Variants in SORBS2 observed in about 807,000 individuals in gnomAD.
The protein encoded by SORBS2 is sorbin and SH3 domain containing 2.
SORBS2 carries 46 observed loss-of-function variants against 97.7 expected under a neutral mutation model. That is an observed-to-expected ratio of 0.47 (90% CI 0.37 to 0.60). The LOEUF is 0.60. SORBS2 is among the 20% of genes least tolerant of loss of function. The pLI, the probability that SORBS2 is intolerant of heterozygous loss-of-function variation, is 0.00. For synonymous variants in SORBS2, 476 were observed against 473.4 expected (o/e 1.01, Z -0.07); for missense variants, 1,316 against 1,282.3 (o/e 1.03, Z -0.40).
At chr4:185,803,216 G>A (rs1411026932) in intron 1 of SORBS2, among the ~76,000 whole-genome samples, 1 of 152,074 alleles carries the variant, frequency 6.6e-6, no homozygotes, top group Non-Finnish European at 1.5e-5. Flanking sequence ...TGAGGAGCCT[G>A]GGAATGAGGC....
chr4:185,653,484 C>T (rs1379085025), intron 1 of SORBS2, among the ~76,000 whole-genome samples: 1 of 152,082 alleles, frequency 6.6e-6, no homozygotes, highest in East Asian at 1.9e-4. Context: ...TAAATTGCTG[C>T]TTAATACACC....
chr4:185,691,377 T>C (rs1472272647), intron 2 of SORBS2, among the ~76,000 whole-genome samples: 2 of 152,122 alleles, frequency 1.3e-5, no homozygotes, highest in African/African-American at 2.4e-5. Context: ...GTTTTCCTTT[T>C]AAAAAATTAA....
intron 2 of SORBS2, among the ~76,000 whole-genome samples, chr4:185,687,220 G>T (rs1409764725): frequency 6.6e-6 from 1 of 152,048 alleles, no homozygotes; most frequent in Admixed American, 6.5e-5. Flanking sequence ...CAGGGATAGG[G>T]TCTCACTATG....
intron 4 of SORBS2, among the ~76,000 whole-genome samples, chr4:185,674,851 A>G (rs1323546247): frequency 1.3e-5 from 2 of 152,200 alleles, no homozygotes; most frequent in African/African-American, 4.8e-5. Flanking sequence ...TTGAGTTACC[A>G]TACTTGACAT....
At chr4:185,782,110 C>T (rs924914361) in intron 1 of SORBS2, among the ~76,000 whole-genome samples, 2 of 152,154 alleles carry the variant, frequency 1.3e-5, no homozygotes, top group Admixed American at 6.5e-5. Flanking sequence ...TAAGTTCTGC[C>T]GAAGGCATTA....
intron 2 of SORBS2, among the ~76,000 whole-genome samples, chr4:185,693,068 A>G (rs943179114): frequency 4.6e-5 from 7 of 152,044 alleles, no homozygotes; most frequent in South Asian, 2.1e-4. Flanking sequence ...GCAGGGCAGG[A>G]GCCATGCTTA....
chr4:185,762,196 G>A (rs951971167), intron 2 of SORBS2, among the ~76,000 whole-genome samples: 1 of 152,180 alleles, frequency 6.6e-6, no homozygotes. Flanking sequence ...TCGAATGCTT[G>A]TCTAAGATTC....
chr4:185,709,320 T>TTTTTTTTTTTTTTC (rs1181008953), intron 2 of SORBS2, among the ~76,000 whole-genome samples: 1 of 140,978 alleles, frequency 7.1e-6, no homozygotes, highest in African/African-American at 2.7e-5. Flanking sequence ...TTTTTTTTTT[T>TTTTTTTTTTTTTTC]TTTTAGTAAA....
At chr4:185,593,776 TGTTA>T (rs1275153834) in intron 13 of SORBS2, 106 bp downstream of exon 25, 5 of 733,032 alleles carry the variant, frequency 6.8e-6, no homozygotes, top group East Asian at 5.1e-5. Flanking sequence ...AGAGGCCTCA[TGTTA>T]GTTTGATCTT....
intron 2 of SORBS2, among the ~76,000 whole-genome samples, chr4:185,743,965 CCTT>C (rs1206098484): frequency 1.4e-5 from 2 of 145,414 alleles, no homozygotes; most frequent in African/African-American, 2.6e-5. Flanking sequence ...TTCTCCTTCT[CCTT>C]CTTCTTCCTC....
At position 185,611,853 on chromosome 4, in the gene SORBS2, G is replaced by A. The variant is rs370663075; in HGVS notation, c.2723C>T (p.Ala908Val). Residue 908 changes from alanine to valine, a missense_variant, in exon 12 of 15, where the codon GCT becomes GTT. Ala to Val is a moderately conservative substitution (Grantham distance 64). Transcript: ENST00000418609. ...TATTGGAGGGTCAGGGTAGTCCTCA[G>A]CACCTTTTGTGTTCTTCTTGACGAC... The A allele has an allele frequency of 2.9e-5, 47 of 1,613,916 alleles. No homozygotes were observed. The highest frequency in any genetic ancestry group is 3.6e-5 in the Non-Finnish European group (43 of 1,179,948).
At chr4:185,873,944 T>C (rs1218989047) in intron 1 of SORBS2, among the ~76,000 whole-genome samples, 1 of 152,192 alleles carries the variant, frequency 6.6e-6, no homozygotes, top group African/African-American at 2.4e-5. Context: ...CTTTTTGCTT[T>C]GCTAGCTTAT....
intron 1 of SORBS2, among the ~76,000 whole-genome samples, chr4:185,923,462 CT>C (rs959173873): frequency 1.6e-5 from 1 of 61,912 alleles, no homozygotes; most frequent in Non-Finnish European, 3.7e-5. Context: ...GGCTAAGTTT[CT>C]TTTTTTTAAT....
At chr4:185,905,661 A>T (rs573932382) in intron 1 of SORBS2, among the ~76,000 whole-genome samples, 1 of 152,146 alleles carries the variant, frequency 6.6e-6, no homozygotes, top group Non-Finnish European at 1.5e-5. Flanking sequence ...GTGCGGTCTT[A>T]CTAAGTTGCC....
intron 1 of SORBS2, among the ~76,000 whole-genome samples, chr4:185,827,097 C>A (rs1407330451): frequency 5.5e-5 from 6 of 109,548 alleles, no homozygotes; most frequent in African/African-American, 2.0e-4. Flanking sequence ...TCACCATCAT[C>A]ATCACCATCA....
At chr4:185,919,500 T>A (rs2099259987) in intron 1 of SORBS2, 1 of 152,186 alleles carries the variant, frequency 6.6e-6, no homozygotes, top group Non-Finnish European at 1.5e-5. Context: ...AATAATATTA[T>A]CTCTTCCCAA....
intron 2 of SORBS2, among the ~76,000 whole-genome samples, chr4:185,717,054 C>G (rs981649802): frequency 6.6e-6 from 1 of 152,236 alleles, no homozygotes; most frequent in Non-Finnish European, 1.5e-5. Context: ...GCTTAGGACA[C>G]TTTAGTGCTC....
chr4:185,773,654 A>T (rs1199378322), intron 2 of SORBS2: 3 of 152,238 alleles, frequency 2.0e-5, no homozygotes, highest in African/African-American at 7.2e-5. Flanking sequence ...GATTAGGCTC[A>T]TTCTACTCCT....
At chr4:185,818,527 G>A (rs2099194699) in intron 1 of SORBS2, among the ~76,000 whole-genome samples, 1 of 152,112 alleles carries the variant, frequency 6.6e-6, no homozygotes, top group African/African-American at 2.4e-5. Context: ...CATCCTAATT[G>A]CCAGATCATT....
Sources: allele counts gnomAD v4.1 joint callset (sites outside exome capture counted in the v4.1 genomes callset), GRCh38; gene constraint gnomAD v4.1.1; transcripts MANE v1.5; gene names NCBI Gene and HGNC (gene_info 2026-07-23, HGNC 2026-07-21).